Variants in DCTN6 observed in about 807,000 individuals in gnomAD.
DCTN6 encodes dynactin 6.
In DCTN6, 15 loss-of-function variants were observed where a neutral mutation model predicts 25.8. The ratio of observed to expected loss-of-function variants is 0.58; its 90% confidence interval spans 0.39 to 0.89. DCTN6 has a LOEUF of 0.89. Among genes scored for constraint, DCTN6 ranks in the 40% least tolerant of loss-of-function variants. The pLI, the probability that DCTN6 is intolerant of heterozygous loss-of-function variation, is 0.00. For synonymous variants in DCTN6, 64 were observed against 78.3 expected (o/e 0.82, Z 0.96); for missense variants, 198 against 237.6 (o/e 0.83, Z 1.09).
At chr8:30,161,933 G>C (rs1803602423) in intron 1 of DCTN6, among the ~76,000 whole-genome samples, 1 of 150,314 alleles carries the variant, frequency 6.7e-6, no homozygotes, top group South Asian at 2.1e-4. Flanking sequence ...ATTTTTAGTA[G>C]AGACGGGGTT....
intron 2 of DCTN6, among the ~76,000 whole-genome samples, chr8:30,173,731 T>TA (rs371782984): frequency 0.05 from 4,813 of 95,914 alleles, 187 homozygotes; most frequent in African/African-American, 0.11. Flanking sequence ...CCCTGTCTCT[T>TA]AAAAAAAAAA....
At chr8:30,158,444 T>A (rs564153539) in intron 1 of DCTN6, among the ~76,000 whole-genome samples, 2 of 152,302 alleles carry the variant, frequency 1.3e-5, no homozygotes, top group African/African-American at 4.8e-5. Context: ...ACAGTGTCGC[T>A]CATTTATCAT....
intron 6 of DCTN6, 119 bp from the exon 7 acceptor site, chr8:30,182,956 C>A: frequency 1.4e-6 from 1 of 732,574 alleles, no homozygotes; most frequent in South Asian, 1.7e-5. Context: ...TCAAATCATC[C>A]TCCTGTCTGG....
chr8:30,163,634 C>G (rs1366177376), intron 1 of DCTN6, among the ~76,000 whole-genome samples: 1 of 151,796 alleles, frequency 6.6e-6, no homozygotes, highest in African/African-American at 2.4e-5. Context: ...GGACAATATA[C>G]CAATTGAAAA....
chr8:30,161,990 G>A (rs1311968380), intron 1 of DCTN6, among the ~76,000 whole-genome samples: 4 of 151,876 alleles, frequency 2.6e-5, no homozygotes, highest in Non-Finnish European at 4.4e-5. Context: ...CTCGCAATCC[G>A]CCAGCCTTGG....
chr8:30,182,769 T>C (rs1399143731), intron 6 of DCTN6, among the ~76,000 whole-genome samples: 2 of 151,798 alleles, frequency 1.3e-5, no homozygotes, highest in Admixed American at 1.3e-4. Flanking sequence ...CATGGCTCAC[T>C]GCAGCCTCAA....
intron 1 of DCTN6, among the ~76,000 whole-genome samples, chr8:30,157,352 G>T (rs1490048198): frequency 6.6e-6 from 1 of 152,150 alleles, no homozygotes; most frequent in Non-Finnish European, 1.5e-5. Flanking sequence ...TGAACACTTA[G>T]GTTGATTCCA....
chr8:30,159,904 G>T (rs954323463), intron 1 of DCTN6, among the ~76,000 whole-genome samples: 2 of 152,060 alleles, frequency 1.3e-5, no homozygotes, highest in Non-Finnish European at 2.9e-5. Flanking sequence ...TGGGAGTACA[G>T]GTGTAAGCCA....
intron 3 of DCTN6, 108 bp from the exon 4 acceptor site, chr8:30,177,018 A>T: frequency 1.3e-6 from 1 of 752,004 alleles, no homozygotes; most frequent in Non-Finnish European, 2.2e-6. Context: ...CATGTCTTTT[A>T]AGCTTGATGT....
At chr8:30,156,937 GAC>G (rs142538866) in intron 1 of DCTN6, among the ~76,000 whole-genome samples, 511 of 151,706 alleles carry the variant, frequency 3.4e-3, no homozygotes, top group Middle Eastern at 0.01. Flanking sequence ...CTTGAACTGT[GAC>G]ACACACACAC....
intron 2 of DCTN6, among the ~76,000 whole-genome samples, chr8:30,169,025 G>A (rs1484802425): frequency 1.3e-5 from 2 of 152,212 alleles, no homozygotes; most frequent in African/African-American, 2.4e-5. Context: ...AGGGCGAGAG[G>A]CCGGGACAGA....
chr8:30,183,395 A>T lies in DCTN6; in HGVS notation c.*222A>T. 2.8e-6 allele frequency: 1 copy of T among 353,050 alleles called. No individual in the cohort carries two copies. 21.9% of individuals were successfully genotyped at this position (353,050 alleles called of 1,614,324 possible). On this transcript the variant is annotated 3_prime_UTR_variant, in exon 7 of 7. Transcript: ENST00000221114. ...ATCCTTGGTTCTTTTCTGATAATTT[A>T]CAGATTTAGCTTTTCTTTTGTTATA...
intron 1 of DCTN6, among the ~76,000 whole-genome samples, chr8:30,159,059 G>A (rs1789156034): frequency 6.6e-6 from 1 of 152,138 alleles, no homozygotes; most frequent in African/African-American, 2.4e-5. Context: ...TGGGATTACA[G>A]GCGTGAGCCA....
At chr8:30,159,631 GC>G (rs1803572743) in intron 1 of DCTN6, among the ~76,000 whole-genome samples, 3 of 152,026 alleles carry the variant, frequency 2.0e-5, no homozygotes, top group African/African-American at 7.2e-5. Flanking sequence ...CTAAAATTTA[GC>G]CAAATGACTT....
intron 1 of DCTN6, 87 bp downstream of exon 1, chr8:30,156,493 G>A: frequency 6.7e-7 from 1 of 1,485,836 alleles, no homozygotes; most frequent in Non-Finnish European, 9.2e-7. Flanking sequence ...CGACTCAGAA[G>A]GTGTCTCATC....
At chr8:30,160,235 A>G (rs1426799767) in intron 1 of DCTN6, among the ~76,000 whole-genome samples, 1 of 152,164 alleles carries the variant, frequency 6.6e-6, no homozygotes, top group Non-Finnish European at 1.5e-5. Context: ...CCAGGTGGAG[A>G]TAATTGAATC....
At chr8:30,176,424 C>T (rs1361557445) in intron 3 of DCTN6, 3 of 152,312 alleles carry the variant, frequency 2.0e-5, no homozygotes, top group African/African-American at 7.2e-5. Flanking sequence ...GTCCCAGCTA[C>T]TTGGGAGGCT....
At position 30,177,415 on chromosome 8, in the gene DCTN6, G is replaced by A. The variant is rs118096925; in HGVS notation, c.283+201G>A. 4.8e-3 allele frequency: 1,949 copies of A among 406,978 alleles called. 23 individuals carry two copies. The highest frequency in any genetic ancestry group is 0.024 in the South Asian group (729 of 30,102). The allele number at this position is 406,978 out of a possible 1,614,324, so 25.2% of individuals were successfully genotyped here. A position where few individuals can be genotyped will look rare whatever the true frequency, so the allele number is the denominator to read the frequency against. ...TATTATAATTACATTTTTAAAAGTA[G>A]GTCATCCAGGCTGGGTGCGGTGGCT... On this transcript the variant is annotated intron_variant, in intron 4 of 6. Coordinates refer to ENST00000221114, the MANE Select transcript of DCTN6 (RefSeq NM_006571.4).
rs574356699 is a variant in DCTN6 at position 30,174,807 on chromosome 8, T to A, written c.89-278T>A. 1.3e-4 allele frequency among the ~76,000 whole-genome samples: 20 copies of A among 152,280 alleles called. No individual in the cohort carries two copies. The East Asian group carries it at 3.9e-3, about 29-fold the overall frequency. ...GGGACTGGTGTTGTCATCACCTCTG[T>A]TTCACCGCTGAGATCACAGGAAGCT... On this transcript the variant is annotated intron_variant, in intron 2 of 6. Coordinates refer to ENST00000221114, the MANE Select transcript of DCTN6 (RefSeq NM_006571.4).
Sources: allele counts gnomAD v4.1 joint callset (sites outside exome capture counted in the v4.1 genomes callset), GRCh38; gene constraint gnomAD v4.1.1; transcripts MANE v1.5; gene names NCBI Gene and HGNC (gene_info 2026-07-23, HGNC 2026-07-21).